Variants in ZNF761 observed in about 807,000 individuals in gnomAD.
The protein encoded by ZNF761 is zinc finger protein 761.
In ZNF761, 43 loss-of-function variants were observed where a neutral mutation model predicts 59.9. The observed-to-expected ratio is 0.72, with a 90% CI of 0.56 to 0.92. The LOEUF (loss-of-function observed/expected upper bound fraction) is 0.92. Among genes scored for constraint, ZNF761 ranks in the 40% least tolerant of loss-of-function variants. The probability of loss-of-function intolerance (pLI) is 0.00; values close to 1 mark genes in which losing one functional copy is unlikely to be tolerated. For missense variants in ZNF761, 850 were observed against 906.1 expected (o/e 0.94, Z 0.79); for synonymous variants, 294 against 304.8 (o/e 0.96, Z 0.37).
At chr19:53,453,942 A>G (rs537290260) in intron 4 of ZNF761, among the ~76,000 whole-genome samples, 2 of 152,214 alleles carry the variant, frequency 1.3e-5, no homozygotes, top group South Asian at 2.1e-4. Flanking sequence ...GATATAGGTA[A>G]TTTTATGACA....
chr19:53,453,364 A>G (rs1045358106), intron 4 of ZNF761, among the ~76,000 whole-genome samples: 9 of 152,126 alleles, frequency 5.9e-5, no homozygotes, highest in African/African-American at 2.2e-4. Context: ...AGTGATCTTA[A>G]CATGTATTTC....
chr19:53,453,026 T>C (rs879072158), intron 4 of ZNF761, among the ~76,000 whole-genome samples: 2 of 152,236 alleles, frequency 1.3e-5, no homozygotes, highest in South Asian at 4.1e-4. Flanking sequence ...ATTTTGTGCA[T>C]AGTGAGCTAG....
intron 1 of ZNF761, among the ~76,000 whole-genome samples, chr19:53,432,372 C>T (rs2085980108): frequency 6.6e-6 from 1 of 152,188 alleles, no homozygotes; most frequent in South Asian, 2.1e-4. Context: ...GAGCCCAGCG[C>T]CGCTGCCCCA....
chr19:53,447,097 C>G (rs1050500142), intron 2 of ZNF761, 99 bp from the exon 3 acceptor site: 3 of 712,732 alleles, frequency 4.2e-6, no homozygotes, highest in Non-Finnish European at 6.6e-6. Context: ...CAGACGGGAC[C>G]ATATTTCCCA....
chr19:53,457,090 G>C lies in ZNF761; in HGVS notation c.*342G>C. 1.7e-6 allele frequency: 1 copy of C among 605,580 alleles called. No homozygotes were observed. The highest frequency in any genetic ancestry group is 2.9e-6 in the Non-Finnish European group (1 of 341,396). 37.5% of individuals were successfully genotyped at this position (605,580 alleles called of 1,614,324 possible). A position where few individuals can be genotyped will look rare whatever the true frequency, so the allele number is the denominator to read the frequency against. ...AAACCTTACCAGTGTAATGAGTGTG[G>C]CAAAGCCTTTAGTAGGCAGTCAACA... is the stretch of plus-strand genomic sequence containing the variant. On this transcript the variant is annotated 3_prime_UTR_variant, in exon 5 of 5. Coordinates refer to ENST00000684525, the MANE Select transcript of ZNF761 (RefSeq NM_001289951.2).
At chr19:53,442,367 G>T (rs2086109916) in intron 1 of ZNF761, 2 of 1,023,506 alleles carry the variant, frequency 2.0e-6, no homozygotes, top group Admixed American at 3.4e-5. Context: ...AGAACCTGAA[G>T]TGTCTGAGTG....
Position 53,438,466 on chromosome 19 carries a change from A to G in ZNF761, c.-185+6438A>G, listed in dbSNP as rs1289778974. ...TAGTCATTGTTTTTTGTTCATGAAC[A>G]TATAGAAAGACTTAGTTATGTCTCA... On this transcript the variant is annotated intron_variant, in intron 1 of 4. Coordinates refer to ENST00000684525, the MANE Select transcript of ZNF761 (RefSeq NM_001289951.2). Among the ~76,000 whole-genome samples the G allele has an allele frequency of 4.6e-5, 7 of 152,344 alleles. No individual in the cohort carries two copies. In the East Asian group the frequency reaches 1.3e-3, roughly 29 times the overall value.
At chr19:53,442,953 T>C (rs976293315) in intron 1 of ZNF761, 1 of 319,538 alleles carries the variant, frequency 3.1e-6, no homozygotes, top group African/African-American at 2.2e-5. Flanking sequence ...CATTTTTTTC[T>C]GTACAAGTAT....
At position 53,457,140 on chromosome 19, in the gene ZNF761, G is replaced by C; in HGVS notation, c.*392G>C. On this transcript the variant is annotated 3_prime_UTR_variant, in exon 5 of 5. Transcript: ENST00000684525. ...ACTTGTTTACCGTCAGGCAATCCAT[G>C]GTGTAGGGAAACTTTACTAAGGTAA... The C allele has an allele frequency of 1.9e-6, 1 of 520,068 alleles. No individual in the cohort carries two copies. Among genetic ancestry groups the C allele is most frequent in the South Asian group, 1.6e-5 (1 of 61,420 alleles). 32.2% of individuals were successfully genotyped at this position (520,068 alleles called of 1,614,324 possible). A position where few individuals can be genotyped will look rare whatever the true frequency, so the allele number is the denominator to read the frequency against.
rs201010199 is a variant in ZNF761 at position 53,455,988 on chromosome 19, A to T, written c.1481A>T (p.Tyr494Phe). 52 of 1,613,856 alleles carry T rather than the reference A, an allele frequency of 3.2e-5. No homozygotes were observed. The highest frequency in any genetic ancestry group is 4.1e-5 in the Non-Finnish European group (48 of 1,179,948). Residue 494 changes from tyrosine (Y) to phenylalanine (F), a missense_variant, in exon 5 of 5, where the codon TAC becomes TTC. Tyr to Phe is a conservative substitution (Grantham distance 22). Transcript: ENST00000684525. ...AGAATTCATACTGGAGAGAAACCAT[A>T]CAAGTGTAATGAGTGTGGCAAGACC... ...HRRIHTGEKP[Y>F]KCNECGKTFS...
intron 3 of ZNF761, among the ~76,000 whole-genome samples, chr19:53,448,223 G>A (rs184807262): frequency 5.3e-5 from 8 of 152,212 alleles, no homozygotes; most frequent in Admixed American, 1.3e-4. Flanking sequence ...GGCTGGTCTC[G>A]AACTGCTGAT....
chr19:53,432,301 C>T (rs929584850), intron 1 of ZNF761, among the ~76,000 whole-genome samples: 1 of 152,150 alleles, frequency 6.6e-6, no homozygotes, highest in African/African-American at 2.4e-5. Context: ...CTGACTCCTC[C>T]CGCCCCGCGC....
intron 1 of ZNF761, among the ~76,000 whole-genome samples, chr19:53,432,539 G>A (rs1340905400): frequency 1.3e-5 from 2 of 152,126 alleles, no homozygotes; most frequent in South Asian, 2.1e-4. Flanking sequence ...AGCCCGCGTT[G>A]GGGAGGTGCC....
chr19:53,448,898 A>G (rs555910927), intron 3 of ZNF761, among the ~76,000 whole-genome samples: 66 of 151,334 alleles, frequency 4.4e-4, no homozygotes, highest in Admixed American at 1.3e-3. Context: ...TCAGCCTCCC[A>G]TGTAGCTGGG....
At chr19:53,446,449 C>T (rs2086160327) in intron 2 of ZNF761, 112 bp downstream of exon 2, 1 of 152,154 alleles carries the variant, frequency 6.6e-6, no homozygotes, top group Non-Finnish European at 1.5e-5. Flanking sequence ...GATCTTGGCT[C>T]AGTGCAACTG....
intron 1 of ZNF761, among the ~76,000 whole-genome samples, chr19:53,434,714 T>C (rs1313148278): frequency 1.3e-5 from 2 of 152,208 alleles, no homozygotes; most frequent in African/African-American, 4.8e-5. Flanking sequence ...CTTGTGGGCA[T>C]CGGTTCGGGG....
chr19:53,435,289 CTTTTTTTTTTTTTTTTT>C (rs368157010), intron 1 of ZNF761, among the ~76,000 whole-genome samples: 1,653 of 53,712 alleles, frequency 0.031, 67 homozygotes, highest in African/African-American at 0.12. Context: ...AATACAAGTC[CTTTTTTTTTTTTTTTTT>C]TTTTTTTTTT....
chr19:53,434,156 G>T (rs2086009441), intron 1 of ZNF761, among the ~76,000 whole-genome samples: 1 of 152,148 alleles, frequency 6.6e-6, no homozygotes, highest in African/African-American at 2.4e-5. Flanking sequence ...GTGTAAATTG[G>T]GGTGCAATAC....
chr19:53,437,181 G>C (rs1233662369), intron 1 of ZNF761, among the ~76,000 whole-genome samples: 1 of 152,046 alleles, frequency 6.6e-6, no homozygotes, highest in Non-Finnish European at 1.5e-5. Flanking sequence ...AGCCAGTCGT[G>C]TTGGCAGGCG....
Sources: allele counts gnomAD v4.1 joint callset (sites outside exome capture counted in the v4.1 genomes callset), GRCh38; gene constraint gnomAD v4.1.1; transcripts MANE v1.5; gene names NCBI Gene and HGNC (gene_info 2026-07-23, HGNC 2026-07-21).